ARHGAP29: variants seen among roughly 807,000 people sequenced by gnomAD.
ARHGAP29 encodes the protein Rho GTPase activating protein 29.
ARHGAP29 carries 43 observed loss-of-function variants against 122.6 expected under a neutral mutation model. The ratio of observed to expected loss-of-function variants is 0.35; its 90% CI spans 0.27 to 0.45. The LOEUF (loss-of-function observed/expected upper bound fraction) is 0.45, where lower values mean the gene tolerates loss of function less well. ARHGAP29 is among the 20% of genes least tolerant of loss of function. The probability of loss-of-function intolerance (pLI) is 1.00; values close to 1 mark genes in which losing one functional copy is unlikely to be tolerated. For synonymous variants in ARHGAP29, 506 were observed against 497.1 expected, an observed-to-expected ratio of 1.02 and a Z score of -0.24; for missense variants, 1,303 against 1,477.2, an observed-to-expected ratio of 0.88 and a Z score of 1.93.
chr1:94,195,608 A>G (rs191309495), intron 12 of ARHGAP29: 1 of 152,294 alleles, frequency 6.6e-6, no homozygotes, highest in East Asian at 1.9e-4. Flanking sequence ...AAAATATCAT[A>G]AGGCATAAAC....
chr1:94,278,700 T>C (rs546030167), upstream of ARHGAP29, among the ~76,000 whole-genome samples: 23 of 152,322 alleles, frequency 1.5e-4, no homozygotes, highest in East Asian at 4.2e-3. Flanking sequence ...TAATTAGTTA[T>C]TAAATTTATT....
intron 15 of ARHGAP29, among the ~76,000 whole-genome samples, chr1:94,186,980 G>GA (rs1269148894): frequency 2.6e-5 from 4 of 152,150 alleles, no homozygotes; most frequent in Non-Finnish European, 5.9e-5. Context: ...AATGTTTGCT[G>GA]AATTAAGTTA....
chr1:94,205,185 A>C lies in ARHGAP29; in HGVS notation c.573T>G (p.Pro191=). 6.3e-7 allele frequency: 1 copy of C among 1,583,974 alleles called. No individual in the cohort carries two copies. The highest frequency in any genetic ancestry group is 1.9e-5 in the Admixed American group (1 of 52,468). Residue 191 remains proline, a synonymous_variant, in exon 7 of 23, where the codon CCT becomes CCG. Coordinates refer to ENST00000260526, the MANE Select transcript of ARHGAP29 (RefSeq NM_004815.4). The part of the protein sequence containing the change: ...DSSSEKGNFS[P]LELDNVLLKN... Reference sequence around the variant, plus strand: ...TTAACAGCACGTTGTCTAGTTCTAAAGGGGAAAAATTTCCTGAAAACAAAA... The same window carrying C: ...TTAACAGCACGTTGTCTAGTTCTAACGGGGAAAAATTTCCTGAAAACAAAA...
At chr1:94,231,716 G>C in intron 1 of ARHGAP29, 73 bp from the exon 2 acceptor site, 1 of 1,116,484 alleles carries the variant, frequency 9.0e-7, no homozygotes, top group East Asian at 2.4e-5. Flanking sequence ...ATCAGCCAGG[G>C]AAATATTACA....
At chr1:94,213,192 T>C (rs905532547) in intron 3 of ARHGAP29, among the ~76,000 whole-genome samples, 12 of 152,300 alleles carry the variant, frequency 7.9e-5, no homozygotes, top group Admixed American at 7.2e-4. Flanking sequence ...TCTTTTCTTG[T>C]TTTCTGAGAC....
chr1:94,284,706 A>G, the ARHGAP29 span, among the ~76,000 whole-genome samples: 1 of 152,228 alleles, frequency 6.6e-6, no homozygotes, highest in Admixed American at 6.5e-5. Context: ...AAACAAAACT[A>G]GGATGTGGTA....
intron 1 of ARHGAP29, among the ~76,000 whole-genome samples, chr1:94,243,211 C>T (rs566813773): frequency 5.6e-5 from 7 of 125,826 alleles, no homozygotes; most frequent in Admixed American, 2.7e-4. Flanking sequence ...ACCTGATAGA[C>T]ATTTACAGAA....
chr1:94,196,254 T>G (rs200640571), intron 12 of ARHGAP29, among the ~76,000 whole-genome samples: 1 of 91,304 alleles, frequency 1.1e-5, no homozygotes, highest in Non-Finnish European at 2.1e-5. Flanking sequence ...TTCCGTGTTT[T>G]TCTTTTTTTT....
At chr1:94,308,170 A>G in the ARHGAP29 span, among the ~76,000 whole-genome samples, 2 of 152,228 alleles carry the variant, frequency 1.3e-5, no homozygotes, top group Non-Finnish European at 2.9e-5. Context: ...TCAATACTTA[A>G]TAATACCCAA....
At chr1:94,309,327 G>A in the ARHGAP29 span, among the ~76,000 whole-genome samples, 1 of 152,160 alleles carries the variant, frequency 6.6e-6, no homozygotes, top group Non-Finnish European at 1.5e-5. Flanking sequence ...CCAGGACTCA[G>A]CAGAGGTCCT....
At chr1:94,220,221 T>C (rs1297820008) in intron 3 of ARHGAP29, 37 bp downstream of exon 3, 2 of 1,610,454 alleles carry the variant, frequency 1.2e-6, no homozygotes, top group East Asian at 2.2e-5. Flanking sequence ...GGCTCCTTTT[T>C]GCCCACAGCA....
Position 94,201,840 on chromosome 1 carries a change from T to A in ARHGAP29, c.1161A>T (p.Glu387Asp), listed in dbSNP as rs111880620. The part of the protein sequence containing the change: ...EALQKVEEAN[E>D]LYKVCVTNVE... ...CATTTGTCACACAAACTTTGTAAAG[T>A]TCATTTGCTTCTTCTACCTTCACAA... Residue 387 changes from glutamate (E) to aspartate (D), a missense_variant, in exon 12 of 23, where the codon GAA (glutamate) becomes GAT (aspartate). Transcript: ENST00000260526. The A allele has an allele frequency of 3.1e-6, 5 of 1,608,544 alleles. No individual in the cohort carries two copies. The African/African-American group carries it at 5.4e-5, about 17-fold the overall frequency.
chr1:94,184,951 G>A lies in ARHGAP29; in HGVS notation c.2030C>T (p.Ala677Val). The A allele has an allele frequency of 6.2e-7, 1 of 1,610,882 alleles. No homozygotes were observed. ...HLFGAEFTQVAKKEPDGIPFI... is the reference protein window; with the variant it reads ...HLFGAEFTQVVKKEPDGIPFI... ...AGGGATACCATCTGGTTCCTTTTTT[G>A]CAACTTGTGTGAATTCTGCTCCAAA... The change falls in exon 18 of 23, where the codon GCA becomes GTA. Residue 677 changes from alanine to valine, a missense_variant. Ala to Val is a moderately conservative substitution (Grantham distance 64). Around this residue, in one of 3 missense-constraint regions of ARHGAP29, gnomAD observed 91 missense variants for 177.8 expected, o/e 0.51. Transcript: ENST00000260526.
At chr1:94,313,005 C>T in the ARHGAP29 span, among the ~76,000 whole-genome samples, 2 of 152,188 alleles carry the variant, frequency 1.3e-5, no homozygotes, top group African/African-American at 4.8e-5. Flanking sequence ...CCCTGTACCC[C>T]AGACAGATCT....
upstream of ARHGAP29, among the ~76,000 whole-genome samples, chr1:94,240,577 C>T (rs889202439): frequency 3.3e-5 from 5 of 152,174 alleles, no homozygotes; most frequent in African/African-American, 1.2e-4. Flanking sequence ...ATCAGTATAT[C>T]TACCATAGCA....
intron 12 of ARHGAP29, 83 bp from the exon 13 acceptor site, chr1:94,190,166 C>A: frequency 7.1e-7 from 1 of 1,404,072 alleles, no homozygotes. Flanking sequence ...ATGACTGCAC[C>A]AATAAAAATG....
chr1:94,272,932 A>T (rs533401708), intron 1 of ARHGAP29, among the ~76,000 whole-genome samples: 1 of 152,340 alleles, frequency 6.6e-6, no homozygotes, highest in East Asian at 1.9e-4. Flanking sequence ...TCCAGAAAAA[A>T]GTATCTTCAA....
rs1486548932 is a variant in ARHGAP29, at chr1:94,173,932, T to TC, written c.3722dup (p.Pro1242ThrfsTer10). ...ACTGTTGCATTCGTTTTAGCCTTGG[T>TC]CTCTGACACATTGGATTCACATCAG... On this transcript the variant is annotated frameshift_variant, in exon 23 of 23. Coordinates refer to ENST00000260526, the MANE Select transcript of ARHGAP29 (RefSeq NM_004815.4). LOFTEE classifies it high-confidence loss of function. 6.2e-7 allele frequency: 1 copy of TC among 1,614,174 alleles called. No homozygotes were observed. The highest frequency in any genetic ancestry group is 2.2e-5 in the East Asian group (1 of 44,886).
chr1:94,203,775 T>C (rs1223596579), intron 8 of ARHGAP29, among the ~76,000 whole-genome samples, 155 bp downstream of exon 8: 1 of 152,192 alleles, frequency 6.6e-6, no homozygotes, highest in Non-Finnish European at 1.5e-5. Context: ...TTTTTCATAA[T>C]GGACATCCAT....
Sources: gnomAD v4.1 joint callset for allele counts (sites outside exome capture counted in the v4.1 genomes callset) on GRCh38, gnomAD v4.1.1 for gene constraint, gnomAD v4.1.1 regional missense constraint, MANE v1.5 for transcripts, NCBI Gene and HGNC (gene_info 2026-07-23, HGNC 2026-07-21) for gene names.